The following SGSM3 variants were observed in gnomAD, a reference collection of about 807,000 sequenced individuals.
The protein encoded by SGSM3 is small G protein signaling modulator 3.
In SGSM3, 96 loss-of-function variants were observed where a neutral mutation model predicts 100.5. The ratio of observed to expected loss-of-function variants is 0.96; its 90% CI spans 0.81 to 1.13. The LOEUF is 1.13. Among genes scored for constraint, SGSM3 ranks in the 50% most tolerant of loss-of-function variants. The probability of loss-of-function intolerance (pLI) is 0.00; values close to 1 mark genes in which losing one functional copy is unlikely to be tolerated. For synonymous variants in SGSM3, 483 were observed against 422.8 expected (o/e 1.14, Z -1.75); for missense variants, 1,001 against 1,015.8 (o/e 0.99, Z 0.20).
rs764209984 is a variant in SGSM3 at position 40,406,216 on chromosome 22, A to G, written c.953A>G (p.His318Arg). The G allele has an allele frequency of 4.3e-6, 7 of 1,613,774 alleles. No individual in the cohort carries two copies. Among genetic ancestry groups the G allele is most frequent in the Non-Finnish European group, 8.5e-7 (1 of 1,180,018 alleles). Reference protein sequence around the residue: ...VLFQLTLGMLHLKEEELIQSE... With the variant: ...VLFQLTLGMLRLKEEELIQSE... ...TTCCAGCTCACGCTGGGCATGCTGC[A>G]CCTCAAGGTGCTCCACGGCCCCACT... Residue 318 changes from histidine (H) to arginine (R), a missense_variant, in exon 9 of 22, where the codon CAC becomes CGC. Physicochemically the swap from His to Arg is conservative, Grantham distance 29. Transcript: ENST00000248929.
chr22:40,409,891 C>T lies in SGSM3; in HGVS notation c.*132C>T. On this transcript the variant is annotated 3_prime_UTR_variant, in exon 22 of 22. Coordinates refer to ENST00000248929, the MANE Select transcript of SGSM3 (RefSeq NM_015705.6). ...GATATCAATATCAGGCTGCCCCACT[C>T]CACGTTCCCCAGCACATCCCAGGTG... is the stretch of plus-strand genomic sequence containing the variant. 7 of 1,429,700 alleles carry T rather than the reference C, an allele frequency of 4.9e-6. No individual in the cohort carries two copies. Among genetic ancestry groups the T allele is most frequent in the Non-Finnish European group, 2.7e-6 (3 of 1,097,600 alleles). 88.6% of individuals were successfully genotyped at this position (1,429,700 alleles called of 1,614,324 possible).
intron 1 of SGSM3, among the ~76,000 whole-genome samples, chr22:40,395,556 A>G (rs1270639225): frequency 6.6e-6 from 1 of 152,154 alleles, no homozygotes; most frequent in Non-Finnish European, 1.5e-5. Flanking sequence ...TCCTGACCTC[A>G]GGTGATCTGC....
chr22:40,385,582 G>A (rs742140), intron 1 of SGSM3, among the ~76,000 whole-genome samples: 28,341 of 152,120 alleles, frequency 0.19, 3,203 homozygotes, highest in Admixed American at 0.37. Context: ...GTTTTGACAC[G>A]GAGAATAAGG....
At chr22:40,395,846 C>T (rs975621124) in intron 1 of SGSM3, among the ~76,000 whole-genome samples, 3 of 152,146 alleles carry the variant, frequency 2.0e-5, no homozygotes, top group African/African-American at 7.2e-5. Context: ...TTCTCTTTTT[C>T]TCCACTGTCA....
Position 40,404,233 on chromosome 22 carries a change from C to T in SGSM3, c.158-14C>T, listed in dbSNP as rs775510297. Reference sequence around the variant, plus strand: ...AGAATGCTTTTTCTTTCCTCCTTGGCTCTCTCTTGGCAGAAGGTGATGAGC... The same window carrying T: ...AGAATGCTTTTTCTTTCCTCCTTGGTTCTCTCTTGGCAGAAGGTGATGAGC... On this transcript the variant is annotated splice_polypyrimidine_tract_variant and intron_variant, in intron 4 of 21. Coordinates refer to ENST00000248929, the MANE Select transcript of SGSM3 (RefSeq NM_015705.6). 1.3e-6 allele frequency: 2 copies of T among 1,503,222 alleles called. No individual in the cohort carries two copies. The highest frequency in any genetic ancestry group is 2.8e-5 in the African/African-American group (2 of 71,382). 93.1% of individuals were successfully genotyped at this position (1,503,222 alleles called of 1,614,324 possible). A position where few individuals can be genotyped will look rare whatever the true frequency, so the allele number is the denominator to read the frequency against.
intron 1 of SGSM3, among the ~76,000 whole-genome samples, chr22:40,390,967 G>C (rs2049277983): frequency 6.6e-6 from 1 of 152,162 alleles, no homozygotes; most frequent in Non-Finnish European, 1.5e-5. Flanking sequence ...ACCGGACATA[G>C]GACAGATACA....
chr22:40,406,528 C>T lies in SGSM3; in HGVS notation c.1051C>T (p.Leu351=), dbSNP rs769899562. ...GCAGATGGAGGACGCGGAGCTGCTT[C>T]TGGGGGTGGCCATGCGGCTGGCCGG... ...PSQMEDAELL[L]GVAMRLAGSL... The change falls in exon 10 of 22, where the codon CTG becomes TTG. Residue 351 remains leucine, a synonymous_variant. Transcript: ENST00000248929. 5 of 1,612,998 alleles carry T rather than the reference C, an allele frequency of 3.1e-6. No individual in the cohort carries two copies. The highest frequency in any genetic ancestry group is 4.2e-6 in the Non-Finnish European group (5 of 1,179,932).
chr22:40,386,028 TTTTTTTTTG>T (rs2048374504), intron 1 of SGSM3, among the ~76,000 whole-genome samples: 1 of 151,444 alleles, frequency 6.6e-6, no homozygotes, highest in Non-Finnish European at 1.5e-5. Context: ...ATTTTTTGTT[TTTTTTTTTG>T]TTTTTTTTGT....
intron 10 of SGSM3, 156 bp downstream of exon 10, chr22:40,406,818 G>T (rs1320051124): frequency 4.7e-6 from 4 of 844,428 alleles, no homozygotes; most frequent in South Asian, 3.2e-5. Flanking sequence ...GGGTGATCCA[G>T]GCCTCCTCAG....
Position 40,402,201 on chromosome 22 carries a change from G to C in SGSM3, c.153G>C (p.Lys51Asn). ...ATGAGTTTGGTTTCCGTGTGTACAA[G>C]GAAGGTAAACTTGAGCCCCTTTTGT... ...YYDEFGFRVY[K>N]EEGDEPGSSL... is the part of the protein sequence containing the mutation. The change falls in exon 4 of 22, where the codon AAG (lysine) becomes AAC (asparagine). Residue 51 changes from lysine (K) to asparagine (N), a missense_variant. Lys to Asn is a moderately conservative substitution (Grantham distance 94). Transcript: ENST00000248929. 1 of 1,613,168 alleles carries C rather than the reference G, an allele frequency of 6.2e-7. No individual in the cohort carries two copies. Among genetic ancestry groups the C allele is most frequent in the African/African-American group, 1.3e-5 (1 of 75,022 alleles).
intron 1 of SGSM3, among the ~76,000 whole-genome samples, chr22:40,392,459 CTTTCT>C (rs1342403018): frequency 2.0e-5 from 3 of 152,098 alleles, no homozygotes; most frequent in Non-Finnish European, 4.4e-5. Flanking sequence ...ATTGTTTATA[CTTTCT>C]TTTCTTTCCT....
intron 1 of SGSM3, among the ~76,000 whole-genome samples, chr22:40,385,672 CAG>C (rs1395164836): frequency 6.6e-6 from 1 of 152,046 alleles, no homozygotes; most frequent in African/African-American, 2.4e-5. Context: ...TGAGTGGCAG[CAG>C]AGAGTAGTTG....
intron 1 of SGSM3, among the ~76,000 whole-genome samples, chr22:40,391,167 C>T (rs753876744): frequency 2.0e-5 from 3 of 152,118 alleles, no homozygotes; most frequent in Admixed American, 2.0e-4. Context: ...AAGTGTGTTC[C>T]CTGGACCAAA....
Position 40,409,459 on chromosome 22 carries a change from C to G in SGSM3, c.2112-6C>G, listed in dbSNP as rs1422864001. 4 of 1,576,874 alleles carry G rather than the reference C, an allele frequency of 2.5e-6. No homozygotes were observed. In the Admixed American group the frequency reaches 7.6e-5, roughly 30 times the overall value. ...AAGAGCCTTACCACCCCTTCCTCAC[C>G]TCTAGAGTCCTCTGCTGCTTTGCCT... On this transcript the variant is annotated splice_region_variant and splice_polypyrimidine_tract_variant and intron_variant, in intron 20 of 21. Transcript: ENST00000248929.
intron 1 of SGSM3, among the ~76,000 whole-genome samples, chr22:40,371,456 ATTCT>A (rs1228118387): frequency 6.6e-6 from 1 of 152,026 alleles, no homozygotes; most frequent in Non-Finnish European, 1.5e-5. Flanking sequence ...CACCTTTCTT[ATTCT>A]TTCTTAGTAA....
chr22:40,393,284 A>G lies in SGSM3; in HGVS notation c.-111-7412A>G, dbSNP rs373721754. Among the ~76,000 whole-genome samples the G allele has an allele frequency of 7.9e-5, 12 of 152,222 alleles. No individual in the cohort carries two copies. In the East Asian group the frequency reaches 9.7e-4, roughly 12 times the overall value. ...AGGCGCGTGCCACCACGCCCAGCTA[A>G]TTTTTGTATTTTTAGTAGAGATGGG... On this transcript the variant is annotated intron_variant, in intron 1 of 21. Coordinates refer to ENST00000248929, the MANE Select transcript of SGSM3 (RefSeq NM_015705.6).
In SGSM3 at chr22:40,407,798, CAGA is replaced by C; in HGVS notation, c.1537_1539del (p.Lys513del). On this transcript the variant is annotated inframe_deletion, in exon 14 of 22. Coordinates refer to ENST00000248929, the MANE Select transcript of SGSM3 (RefSeq NM_015705.6). The surrounding 1 kb of genome is among the most constrained non-coding windows in gnomAD (Gnocchi z 4.7). Reference sequence around the variant, plus strand: ...TTTTCCTCCTGTGCAGATCGTGTCTCAGAAGGACGAGCACTGCTGGGTGGGGGA... The same window carrying C: ...TTTTCCTCCTGTGCAGATCGTGTCTCAGGACGAGCACTGCTGGGTGGGGGA... The C allele has an allele frequency of 1.2e-6, 2 of 1,613,988 alleles. No homozygotes were observed. The highest frequency in any genetic ancestry group is 2.7e-5 in the African/African-American group (2 of 75,028).
chr22:40,408,169 G>A lies in SGSM3; in HGVS notation c.1629+49G>A, dbSNP rs967292588. On this transcript the variant is annotated intron_variant, in intron 15 of 21. Transcript: ENST00000248929. ...CACGGCTGGCACCCTTCTAGCCAGG[G>A]CCTGCGTGCCTAGCGAGTCCTGGCC... 6 of 1,607,412 alleles carry A rather than the reference G, an allele frequency of 3.7e-6. No homozygotes were observed. In the Admixed American group the frequency reaches 1.0e-4, roughly 27 times the overall value.
chr22:40,408,519 AGAG>A (rs1326262690), intron 16 of SGSM3, 90 bp downstream of exon 16: 3 of 1,587,568 alleles, frequency 1.9e-6, no homozygotes, highest in South Asian at 2.2e-5. Flanking sequence ...TGCCCCACAG[AGAG>A]GATGGGAAGA....
Sources: gnomAD v4.1 joint callset for allele counts (sites outside exome capture counted in the v4.1 genomes callset) on GRCh38, gnomAD v4.1.1 for gene constraint, Gnocchi (gnomAD v3.1) non-coding constraint, MANE v1.5 for transcripts, NCBI Gene and HGNC (gene_info 2026-07-23, HGNC 2026-07-21) for gene names.